The following GRID2 variants were observed in gnomAD, a reference collection of about 807,000 sequenced individuals.
GRID2 encodes glutamate receptor ionotropic, delta-2.
In GRID2, 33 loss-of-function variants were observed where a neutral mutation model predicts 114.8. The observed-to-expected ratio is 0.29, with a 90% CI of 0.22 to 0.38. GRID2 has a LOEUF of 0.38. Among genes scored for constraint, GRID2 ranks in the 10% least tolerant of loss-of-function variants. The pLI, the probability that GRID2 is intolerant of heterozygous loss-of-function variation, is 1.00. For synonymous variants in GRID2, 505 were observed against 449.9 expected (o/e 1.12, Z -1.55); for missense variants, 1,184 against 1,257.7 (o/e 0.94, Z 0.89).
At chr4:92,510,590 T>C (rs534192120) in intron 1 of GRID2, among the ~76,000 whole-genome samples, 2 of 151,580 alleles carry the variant, frequency 1.3e-5, no homozygotes, top group African/African-American at 2.4e-5. Flanking sequence ...GAGGGGAAGA[T>C]GGAGAGAGGG....
At chr4:92,963,633 C>T (rs947922489) in intron 2 of GRID2, among the ~76,000 whole-genome samples, 8 of 151,976 alleles carry the variant, frequency 5.3e-5, no homozygotes, top group South Asian at 4.1e-4. Flanking sequence ...GAACTCCTCA[C>T]GGTCATTCAT....
At chr4:93,260,103 T>C (rs1286168927) in intron 8 of GRID2, among the ~76,000 whole-genome samples, 2 of 151,756 alleles carry the variant, frequency 1.3e-5, no homozygotes, top group Non-Finnish European at 3.0e-5. Flanking sequence ...TTACATATAA[T>C]GCATGCTTAT....
At chr4:92,613,499 CCTT>C (rs535209236) in intron 2 of GRID2, among the ~76,000 whole-genome samples, 112 of 151,438 alleles carry the variant, frequency 7.4e-4, no homozygotes, top group African/African-American at 2.6e-3. Context: ...TGGTATTATT[CCTT>C]CTTTAAATGT....
intron 13 of GRID2, among the ~76,000 whole-genome samples, chr4:93,533,651 A>G (rs545433193): frequency 6.6e-6 from 1 of 150,890 alleles, no homozygotes; most frequent in South Asian, 2.1e-4. Context: ...CGGCCTCCCA[A>G]AATGCTGGGA....
chr4:92,330,773 T>G (rs891655991), intron 1 of GRID2, among the ~76,000 whole-genome samples: 1 of 152,010 alleles, frequency 6.6e-6, no homozygotes, highest in African/African-American at 2.4e-5. Context: ...TGAATTACAG[T>G]GGAAATTCTA....
At chr4:93,676,989 G>A (rs1026058243) in intron 14 of GRID2, among the ~76,000 whole-genome samples, 53 of 152,160 alleles carry the variant, frequency 3.5e-4, no homozygotes, top group African/African-American at 1.2e-3. Flanking sequence ...GCCTCACTCG[G>A]GAAGCGCAAG....
At chr4:92,325,372 A>G (rs989389263) in intron 1 of GRID2, among the ~76,000 whole-genome samples, 1 of 151,880 alleles carries the variant, frequency 6.6e-6, no homozygotes, top group African/African-American at 2.4e-5. Flanking sequence ...ATGAATTTTC[A>G]GTCAGTATTA....
chr4:92,826,282 T>C (rs1364204273), intron 2 of GRID2, among the ~76,000 whole-genome samples: 3 of 152,098 alleles, frequency 2.0e-5, no homozygotes, highest in Non-Finnish European at 4.4e-5. Context: ...TCTTCCCTGA[T>C]AGCTTCATGG....
intron 8 of GRID2, among the ~76,000 whole-genome samples, chr4:93,359,163 C>T (rs1761632242): frequency 6.6e-6 from 1 of 152,086 alleles, no homozygotes; most frequent in Non-Finnish European, 1.5e-5. Context: ...TCTCTGACAT[C>T]CTTCTTTCCA....
At chr4:92,450,787 A>C in intron 1 of GRID2, among the ~76,000 whole-genome samples, 1 of 150,220 alleles carries the variant, frequency 6.7e-6, no homozygotes, top group Middle Eastern at 3.4e-3. Context: ...AAAGTGTGTT[A>C]ATAAATTTAA....
At chr4:92,721,163 G>A (rs919237330) in intron 2 of GRID2, among the ~76,000 whole-genome samples, 2 of 152,064 alleles carry the variant, frequency 1.3e-5, no homozygotes, top group Non-Finnish European at 2.9e-5. Flanking sequence ...TGGGACAAAT[G>A]GGAAGTTAGT....
intron 14 of GRID2, among the ~76,000 whole-genome samples, chr4:93,740,015 T>C (rs978788507): frequency 6.6e-6 from 1 of 152,162 alleles, no homozygotes; most frequent in African/African-American, 2.4e-5. Flanking sequence ...TTAGAAACAA[T>C]AGTCATGCAT....
intron 2 of GRID2, among the ~76,000 whole-genome samples, chr4:92,886,016 C>A (rs1330375109): frequency 1.3e-5 from 2 of 152,054 alleles, no homozygotes; most frequent in Non-Finnish European, 2.9e-5. Flanking sequence ...TATCTTGATT[C>A]TCATGGTTTT....
chr4:92,896,021 G>T (rs1747140038), intron 2 of GRID2, among the ~76,000 whole-genome samples: 2 of 152,142 alleles, frequency 1.3e-5, no homozygotes, highest in Non-Finnish European at 2.9e-5. Flanking sequence ...TTTGATTTAG[G>T]GACAGTAAGG....
intron 8 of GRID2, among the ~76,000 whole-genome samples, chr4:93,258,621 A>G (rs191660440): frequency 1.3e-4 from 19 of 151,878 alleles, no homozygotes; most frequent in Admixed American, 1.1e-3. Flanking sequence ...TTATGATAAG[A>G]TTTGAAAAGC....
intron 2 of GRID2, among the ~76,000 whole-genome samples, chr4:92,689,690 G>A (rs1734083048): frequency 6.6e-6 from 1 of 152,162 alleles, no homozygotes; most frequent in African/African-American, 2.4e-5. Context: ...TAGAAACATT[G>A]TCTTCCAGGA....
intron 2 of GRID2, among the ~76,000 whole-genome samples, chr4:92,915,952 T>C (rs112533538): frequency 0.015 from 2,264 of 152,268 alleles, 21 homozygotes; most frequent in East Asian, 0.054. Context: ...AAGTTTCTTA[T>C]AGATGCTGGA....
At chr4:92,709,729 T>C (rs1306212325) in intron 2 of GRID2, among the ~76,000 whole-genome samples, 1 of 151,828 alleles carries the variant, frequency 6.6e-6, no homozygotes, top group Non-Finnish European at 1.5e-5. Flanking sequence ...CTTAGCAAGA[T>C]GCCATTTTGT....
At chr4:93,091,495 A>C (rs938367786) in intron 3 of GRID2, among the ~76,000 whole-genome samples, 1 of 152,130 alleles carries the variant, frequency 6.6e-6, no homozygotes, top group African/African-American at 2.4e-5. Flanking sequence ...TCATTTTGAA[A>C]GACAAATATC....
Sources: allele counts gnomAD v4.1 joint callset (sites outside exome capture counted in the v4.1 genomes callset), GRCh38; gene constraint gnomAD v4.1.1; transcripts MANE v1.5; gene names NCBI Gene and HGNC (gene_info 2026-07-23, HGNC 2026-07-21).